The following OPHN1 variants were observed in gnomAD, a reference collection of about 807,000 sequenced individuals.
OPHN1 encodes oligophrenin-1.
In OPHN1, 11 loss-of-function variants were observed where a neutral mutation model predicts 60.7. The observed-to-expected ratio is 0.18, with a 90% CI of 0.11 to 0.30. The LOEUF (loss-of-function observed/expected upper bound fraction) is 0.30. Among genes scored for constraint, OPHN1 ranks in the 10% least tolerant of loss-of-function variants. The probability of loss-of-function intolerance (pLI) is 1.00; values close to 1 mark genes in which losing one functional copy is unlikely to be tolerated. For missense variants in OPHN1, 449 were observed against 611.0 expected, an observed-to-expected ratio of 0.73 and a Z score of 2.80; for synonymous variants, 226 against 222.6, an observed-to-expected ratio of 1.02 and a Z score of -0.14.
chrX:68,124,889 C>A (rs1353443320), intron 15 of OPHN1, among the ~76,000 whole-genome samples: 1 of 111,427 alleles, frequency 9.0e-6, no homozygotes, highest in Non-Finnish European at 1.9e-5. Flanking sequence ...CTCAAGCGAT[C>A]TGCCCACTTC....
chrX:68,348,670 A>G (rs192525600), intron 2 of OPHN1, among the ~76,000 whole-genome samples: 30 of 111,735 alleles, frequency 2.7e-4, no homozygotes, highest in Non-Finnish European at 4.9e-4. Context: ...CTCATGCAAA[A>G]TGTTTACTCA....
At chrX:68,349,571 G>A (rs1602345129) in intron 2 of OPHN1, among the ~76,000 whole-genome samples, 2 of 111,723 alleles carry the variant, frequency 1.8e-5, no homozygotes, top group South Asian at 3.8e-4. Context: ...TATACCCAAA[G>A]GATTATAAAT....
intron 15 of OPHN1, among the ~76,000 whole-genome samples, chrX:68,187,302 T>C (rs988773785): frequency 9.0e-6 from 1 of 111,565 alleles, no homozygotes; most frequent in South Asian, 3.8e-4. Context: ...ACTAATCAGA[T>C]GACCTTGAGA....
intron 19 of OPHN1, among the ~76,000 whole-genome samples, chrX:68,085,968 C>T (rs1456137355): frequency 9.0e-6 from 1 of 110,772 alleles, no homozygotes; most frequent in Non-Finnish European, 1.9e-5. Flanking sequence ...CACATGAGGT[C>T]GGGAGTTCAA....
At chrX:68,180,997 T>G (rs1021423062) in intron 15 of OPHN1, among the ~76,000 whole-genome samples, 1 of 111,327 alleles carries the variant, frequency 9.0e-6, no homozygotes, top group African/African-American at 3.3e-5. Flanking sequence ...CATAAAATTA[T>G]ATCATGAAGT....
In OPHN1 at chrX:68,071,275, C is replaced by A. The variant is rs1445861575; in HGVS notation, c.1834+1877G>T. 5 of 716,838 alleles carry A rather than the reference C, an allele frequency of 7.0e-6. No homozygotes were observed. The Admixed American group carries it at 1.1e-4, about 16-fold the overall frequency. 59.1% of individuals were successfully genotyped at this position (716,838 alleles called of 1,213,427 possible). ...GGAGCTGTGGGCTCTGTGAGCAGTG[C>A]CAAAAGCACCATTGACATGCACATT... On this transcript the variant is annotated intron_variant, in intron 20 of 24. Coordinates refer to ENST00000355520, the MANE Select transcript of OPHN1 (RefSeq NM_002547.3).
At chrX:68,433,106 G>T in intron 1 of OPHN1, 62 bp downstream of exon 1, 1 of 983,219 alleles carries the variant, frequency 1.0e-6, no homozygotes, top group Non-Finnish European at 1.4e-6. Context: ...TAGAGGGGAC[G>T]GACTGAGCGC....
intron 6 of OPHN1, among the ~76,000 whole-genome samples, chrX:68,219,950 T>TA (rs1306125671): frequency 4.7e-5 from 4 of 84,639 alleles, no homozygotes; most frequent in African/African-American, 1.7e-4. Context: ...CTGAAGGAAA[T>TA]AGAGACACAA....
intron 5 of OPHN1, among the ~76,000 whole-genome samples, chrX:68,247,996 C>T (rs1202175002): frequency 9.0e-6 from 1 of 110,929 alleles, no homozygotes; most frequent in Non-Finnish European, 1.9e-5. Context: ...AAGTTAACAA[C>T]TATCTACACA....
At chrX:68,394,715 C>T (rs2147759057) in intron 2 of OPHN1, among the ~76,000 whole-genome samples, 1 of 111,728 alleles carries the variant, frequency 9.0e-6, no homozygotes, top group African/African-American at 3.2e-5. Context: ...GGCACATTCT[C>T]GGCTCACTGC....
chrX:68,258,002 T>C (rs1231117969), intron 5 of OPHN1, among the ~76,000 whole-genome samples: 1 of 109,678 alleles, frequency 9.1e-6, no homozygotes, highest in African/African-American at 3.3e-5. Flanking sequence ...ATAGTTCAAG[T>C]AGAAAGGGCA....
rs187817142 is a variant in OPHN1, at chrX:68,185,590, A to G, written c.1276+7329T>C. The stretch of plus-strand genomic sequence containing the variant: ...GAAGGGTTCCAATGTATGCTCATAG[A>G]AAAGATTTTATGAAAGCGGGTTGCT... On this transcript the variant is annotated intron_variant, in intron 15 of 24. Transcript: ENST00000355520. 3.9e-3 allele frequency among the ~76,000 whole-genome samples: 431 copies of G among 111,322 alleles called. 3 individuals carry two copies. Among genetic ancestry groups the G allele is most frequent in the African/African-American group, 0.014 (421 of 30,607 alleles).
chrX:68,099,165 A>G (rs1198036597), intron 18 of OPHN1, among the ~76,000 whole-genome samples: 1 of 111,930 alleles, frequency 8.9e-6, no homozygotes, highest in Non-Finnish European at 1.9e-5. Context: ...TCTTTGGGGA[A>G]ATTGCTTTGC....
At chrX:68,144,355 T>C (rs2077255380) in intron 15 of OPHN1, among the ~76,000 whole-genome samples, 1 of 110,370 alleles carries the variant, frequency 9.1e-6, no homozygotes, top group African/African-American at 3.3e-5. Flanking sequence ...GACTAGGCCA[T>C]GTTGTACCAT....
At chrX:68,351,189 A>G (rs1421823531) in intron 2 of OPHN1, among the ~76,000 whole-genome samples, 1 of 111,171 alleles carries the variant, frequency 9.0e-6, no homozygotes, top group Non-Finnish European at 1.9e-5. Context: ...GGCCTCCCAA[A>G]GTGCTGGGAT....
intron 2 of OPHN1, among the ~76,000 whole-genome samples, chrX:68,300,671 C>T (rs1473992247): frequency 1.8e-5 from 2 of 112,486 alleles, no homozygotes; most frequent in Non-Finnish European, 3.7e-5. Flanking sequence ...TTTCTGCTCT[C>T]CTTGGCTAAC....
chrX:68,343,279 A>C (rs2078363034), intron 2 of OPHN1, among the ~76,000 whole-genome samples: 1 of 102,752 alleles, frequency 9.7e-6, no homozygotes, highest in South Asian at 5.2e-4. Flanking sequence ...TGTCTCAAAA[A>C]AAAAAAGCGG....
intron 15 of OPHN1, among the ~76,000 whole-genome samples, chrX:68,172,715 A>G (rs1358116369): frequency 2.7e-5 from 3 of 111,745 alleles, no homozygotes; most frequent in African/African-American, 9.7e-5. Flanking sequence ...AATTGAATAC[A>G]TATGTTCACC....
At chrX:68,154,469 A>G (rs1205243158) in intron 15 of OPHN1, among the ~76,000 whole-genome samples, 1 of 112,661 alleles carries the variant, frequency 8.9e-6, no homozygotes, top group Non-Finnish European at 1.9e-5. Flanking sequence ...AGCTAAAATT[A>G]TATCGATTCT....
Sources: gnomAD v4.1 joint callset for allele counts (sites outside exome capture counted in the v4.1 genomes callset) on GRCh38, gnomAD v4.1.1 for gene constraint, MANE v1.5 for transcripts, NCBI Gene and HGNC (gene_info 2026-07-23, HGNC 2026-07-21) for gene names.